Variants in MCF2 observed in about 807,000 individuals in gnomAD.
MCF2 encodes MCF.2 cell line derived transforming sequence.
MCF2 carries 44 observed loss-of-function variants against 82.5 expected under a neutral mutation model. The observed-to-expected ratio is 0.53, with a 90% CI of 0.42 to 0.69. The LOEUF (loss-of-function observed/expected upper bound fraction) is 0.69, where lower values mean the gene tolerates loss of function less well. MCF2 is among the 30% of genes least tolerant of loss of function. The pLI, the probability that MCF2 is intolerant of heterozygous loss-of-function variation, is 0.00. For synonymous variants in MCF2, 217 were observed against 224.9 expected, an observed-to-expected ratio of 0.96 and a Z score of 0.32; for missense variants, 623 against 663.1, an observed-to-expected ratio of 0.94 and a Z score of 0.66.
At chrX:139,633,808 C>A (rs1172684240) in intron 1 of MCF2, among the ~76,000 whole-genome samples, 2 of 111,217 alleles carry the variant, frequency 1.8e-5, no homozygotes, top group Non-Finnish European at 3.8e-5. Flanking sequence ...GAGGCTGGTA[C>A]AGTAATCCAA....
intron 1 of MCF2, among the ~76,000 whole-genome samples, chrX:139,668,328 G>C (rs762160450): frequency 1.8e-3 from 196 of 111,883 alleles, no homozygotes; most frequent in Non-Finnish European, 3.0e-3. Flanking sequence ...GGCTAAGACT[G>C]CAAATAGTGT....
At chrX:139,594,493 T>A (rs111826260) in intron 19 of MCF2, among the ~76,000 whole-genome samples, 1 of 109,956 alleles carries the variant, frequency 9.1e-6, no homozygotes, top group Non-Finnish European at 1.9e-5. Flanking sequence ...CCCTATTTAA[T>A]AAATGGTGCT....
chrX:139,670,394 T>A (rs1048420723), intron 1 of MCF2, among the ~76,000 whole-genome samples: 21 of 111,211 alleles, frequency 1.9e-4, no homozygotes, highest in African/African-American at 6.9e-4. Context: ...ACATGTGCCA[T>A]GTTGGTTTGC....
intron 24 of MCF2, among the ~76,000 whole-genome samples, chrX:139,582,972 A>G (rs1928606360): frequency 8.9e-6 from 1 of 111,791 alleles, no homozygotes; most frequent in South Asian, 3.8e-4. Flanking sequence ...TGAGATTCCC[A>G]AAGTGTGGGA....
At chrX:139,644,444 A>G (rs1031026856), upstream of MCF2, among the ~76,000 whole-genome samples, 1 of 112,483 alleles carries the variant, frequency 8.9e-6, no homozygotes, top group African/African-American at 3.2e-5. Flanking sequence ...ATGCTATAGA[A>G]AGTCAAATTT....
upstream of MCF2, among the ~76,000 whole-genome samples, chrX:139,646,185 T>A (rs936993445): frequency 1.8e-5 from 2 of 111,941 alleles, no homozygotes; most frequent in African/African-American, 6.5e-5. Context: ...TTTTCTGAGA[T>A]TTGATTTTTG....
rs188063407 is a variant in MCF2 at position 139,660,554 on chromosome X, T to C, written c.-44-8766A>G. Reference sequence around the variant, plus strand: ...ATCGATACTCTATACCATCTGTAAATAGTAATGACTTAGCACATGCAATAA... The same window carrying C: ...ATCGATACTCTATACCATCTGTAAACAGTAATGACTTAGCACATGCAATAA... On this transcript the variant is annotated intron_variant, in intron 1 of 27. Transcript: ENST00000414978. Among the ~76,000 whole-genome samples the C allele has an allele frequency of 4.5e-5, 5 of 112,199 alleles. No individual in the cohort carries two copies. The East Asian group carries it at 1.4e-3, about 31-fold the overall frequency.
chrX:139,676,816 G>T (rs1011996848), intron 1 of MCF2, among the ~76,000 whole-genome samples: 8 of 112,235 alleles, frequency 7.1e-5, no homozygotes, highest in African/African-American at 2.3e-4. Flanking sequence ...CATTCATGCA[G>T]TCACAGACAA....
chrX:139,624,855 C>T (rs1175394049), intron 6 of MCF2, among the ~76,000 whole-genome samples: 4 of 110,447 alleles, frequency 3.6e-5, no homozygotes, highest in African/African-American at 1.3e-4. Context: ...GGGGAAAGGG[C>T]CATCATGTGT....
chrX:139,646,310 A>G (rs1317310982), upstream of MCF2, among the ~76,000 whole-genome samples: 2 of 111,552 alleles, frequency 1.8e-5, no homozygotes, highest in African/African-American at 6.5e-5. Flanking sequence ...AAAATCTCTA[A>G]GAAACCTTTT....
At position 139,598,395 on chromosome X, in the gene MCF2, C is replaced by T. The variant is rs756234303; in HGVS notation, c.1929+11G>A. 9.4e-7 allele frequency: 1 copy of T among 1,063,363 alleles called. No individual in the cohort carries two copies. The highest frequency in any genetic ancestry group is 1.8e-5 in the African/African-American group (1 of 54,219). The allele number at this position is 1,063,363 out of a possible 1,213,427, so 87.6% of individuals were successfully genotyped here. A position where few individuals can be genotyped will look rare whatever the true frequency, so the allele number is the denominator to read the frequency against. On this transcript the variant is annotated intron_variant, in intron 17 of 24. Transcript: ENST00000370576. ...AAAGTAAAGAAACAAACAAATGCTT[C>T]ATATAATTACCTTCAACAATAACTG...
intron 24 of MCF2, among the ~76,000 whole-genome samples, chrX:139,584,476 C>T (rs1928772602): frequency 9.0e-6 from 1 of 111,274 alleles, no homozygotes; most frequent in South Asian, 3.8e-4. Flanking sequence ...AGTCCTACCT[C>T]CTCTTTAATA....
At chrX:139,613,371 C>G (rs1931645488) in intron 10 of MCF2, 108 bp from the exon 14 acceptor site, 1 of 575,332 alleles carries the variant, frequency 1.7e-6, no homozygotes, top group Admixed American at 3.6e-5. Context: ...GGATCTGTAA[C>G]AGTCTCCTCA....
At chrX:139,602,307 C>T in intron 16 of MCF2, 99 bp downstream of exon 20, 1 of 654,378 alleles carries the variant, frequency 1.5e-6, no homozygotes. Context: ...TACGTATATG[C>T]ACATGTAACG....
chrX:139,633,113 A>T (rs1933006025), intron 1 of MCF2, among the ~76,000 whole-genome samples: 2 of 111,816 alleles, frequency 1.8e-5, no homozygotes, highest in South Asian at 3.8e-4. Flanking sequence ...ATGATAGCAC[A>T]AACTCTCCGA....
intron 19 of MCF2, among the ~76,000 whole-genome samples, chrX:139,593,172 G>A (rs1443884065): frequency 8.9e-6 from 1 of 111,901 alleles, no homozygotes; most frequent in Non-Finnish European, 1.9e-5. Flanking sequence ...TAGTTTATTT[G>A]CATAGAGGTG....
chrX:139,632,051 G>A (rs769647320), intron 2 of MCF2, among the ~76,000 whole-genome samples: 182 of 110,363 alleles, frequency 1.6e-3, no homozygotes, highest in Non-Finnish European at 2.7e-3. Flanking sequence ...ACACATACAC[G>A]CACATACATA....
chrX:139,669,359 G>A (rs1432381825), intron 1 of MCF2, among the ~76,000 whole-genome samples: 4 of 112,092 alleles, frequency 3.6e-5, no homozygotes, highest in African/African-American at 1.3e-4. Flanking sequence ...GAGGATGTCT[G>A]TAACAAAAAA....
chrX:139,597,906 GT>G (rs1289431374), intron 17 of MCF2, among the ~76,000 whole-genome samples: 1 of 111,292 alleles, frequency 9.0e-6, no homozygotes, highest in Non-Finnish European at 1.9e-5. Context: ...ACAGTAATTT[GT>G]TTTAGCCATG....
Sources: allele counts gnomAD v4.1 joint callset (sites outside exome capture counted in the v4.1 genomes callset), GRCh38; gene constraint gnomAD v4.1.1; transcripts MANE v1.5; gene names NCBI Gene and HGNC (gene_info 2026-07-23, HGNC 2026-07-21).